Variants in KIF13A observed in about 807,000 individuals in gnomAD.
KIF13A encodes kinesin-like protein KIF13A.
Under a neutral mutation model 212.2 loss-of-function variants are expected in KIF13A, and 79 were observed. The observed-to-expected ratio is 0.37, with a 90% CI of 0.31 to 0.45. The LOEUF (loss-of-function observed/expected upper bound fraction) is 0.45. KIF13A is among the 20% of genes least tolerant of loss of function. The probability of loss-of-function intolerance (pLI) is 1.00; values close to 1 mark genes in which losing one functional copy is unlikely to be tolerated. For missense variants in KIF13A, 1,901 were observed against 2,209.0 expected, an observed-to-expected ratio of 0.86 and a Z score of 2.79; for synonymous variants, 789 against 808.6, an observed-to-expected ratio of 0.98 and a Z score of 0.41.
In KIF13A at chr6:17,934,903, T is replaced by A. The variant is rs1776326466; in HGVS notation, c.147-36723A>T. On this transcript the variant is annotated intron_variant, in intron 2 of 38. Transcript: ENST00000259711. This position sits in a 1 kb window ranked among gnomAD's most constrained non-coding sequence, Gnocchi z 5.4. ...CACTAGTAATAACCAAACATATCAG[T>A]TTCACAAGGGTCCCTTTACCTTGCA... Among the ~76,000 whole-genome samples the A allele has an allele frequency of 6.6e-6, 1 of 152,146 alleles. No individual in the cohort carries two copies. Among genetic ancestry groups the A allele is most frequent in the Admixed American group, 6.5e-5 (1 of 15,276 alleles).
chr6:17,830,198 A>T (rs1213504489), intron 13 of KIF13A, among the ~76,000 whole-genome samples: 2 of 152,202 alleles, frequency 1.3e-5, no homozygotes, highest in Non-Finnish European at 2.9e-5. Flanking sequence ...GGTCTCTGAG[A>T]ACCTTTCAGG....
At chr6:17,889,137 T>A (rs903916065) in intron 3 of KIF13A, among the ~76,000 whole-genome samples, 50 of 152,326 alleles carry the variant, frequency 3.3e-4, no homozygotes, top group African/African-American at 1.2e-3. Flanking sequence ...CTAGACTAAA[T>A]AAAGTTGCAT....
Position 17,898,894 on chromosome 6 carries a change from G to A in KIF13A, c.147-714C>T, listed in dbSNP as rs62398171. On this transcript the variant is annotated intron_variant, in intron 2 of 38. Transcript: ENST00000259711. The surrounding 1 kb of genome is among the most constrained non-coding windows in gnomAD (Gnocchi z 5.2). ...TTGGTTGTTCAGGATGGAGTGCAGT[G>A]ATGTGATCATGGCTCAGTGCAACCT... Among the ~76,000 whole-genome samples, 4,244 of 152,274 alleles carry A rather than the reference G, an allele frequency of 0.028. 82 individuals carry two copies. Among genetic ancestry groups the A allele is most frequent in the Non-Finnish European group, 0.039 (2,633 of 67,998 alleles).
intron 3 of KIF13A, among the ~76,000 whole-genome samples, chr6:17,881,103 C>T (rs1175556817): frequency 6.6e-6 from 1 of 152,198 alleles, no homozygotes; most frequent in African/African-American, 2.4e-5. Flanking sequence ...ATTGCCTTCA[C>T]TGTTTTCAAC....
At position 17,783,242 on chromosome 6, in the gene KIF13A, T is replaced by C. The variant is rs796448392; in HGVS notation, c.3544+404A>G. Among the ~76,000 whole-genome samples, 35 of 152,314 alleles carry C rather than the reference T, an allele frequency of 2.3e-4. 1 individual carries two copies. The highest frequency in any genetic ancestry group is 8.4e-4 in the African/African-American group (35 of 41,570). ...GCCCAGGTTCCATCTAATTGCAATATGAAGGACAACCCCTAAGGCAGGGTT... is the reference window on the plus strand; with the variant it reads ...GCCCAGGTTCCATCTAATTGCAATACGAAGGACAACCCCTAAGGCAGGGTT... On this transcript the variant is annotated intron_variant, in intron 29 of 38. Coordinates refer to ENST00000259711, the MANE Select transcript of KIF13A (RefSeq NM_022113.6). This position sits in a 1 kb window ranked among gnomAD's most constrained non-coding sequence, Gnocchi z 4.3.
chr6:17,913,839 C>G (rs1481566143), intron 2 of KIF13A, among the ~76,000 whole-genome samples: 1 of 152,166 alleles, frequency 6.6e-6, no homozygotes, highest in Non-Finnish European at 1.5e-5. Flanking sequence ...AGGAAACCAA[C>G]TTTCAGGGAA....
chr6:17,803,819 T>C (rs1762687719), intron 20 of KIF13A, among the ~76,000 whole-genome samples: 1 of 152,112 alleles, frequency 6.6e-6, no homozygotes, highest in Non-Finnish European at 1.5e-5. Flanking sequence ...AAGAAAAAAC[T>C]TGTGACCTCC....
intron 4 of KIF13A, among the ~76,000 whole-genome samples, chr6:17,863,824 C>A (rs1309399545): frequency 6.6e-6 from 1 of 151,714 alleles, no homozygotes; most frequent in Non-Finnish European, 1.5e-5. Context: ...TTGCTTTGTT[C>A]ACTTCTATTT....
intron 16 of KIF13A, among the ~76,000 whole-genome samples, chr6:17,818,896 G>C (rs1562013510): frequency 6.6e-6 from 1 of 151,784 alleles, no homozygotes; most frequent in Non-Finnish European, 1.5e-5. Flanking sequence ...TTTTGAAAAA[G>C]ATACTGTTTT....
Position 17,963,647 on chromosome 6 carries a change from C to G in KIF13A, c.146+23407G>C, listed in dbSNP as rs894344766. Among the ~76,000 whole-genome samples, 1 of 152,210 alleles carries G rather than the reference C, an allele frequency of 6.6e-6. No individual in the cohort carries two copies. The highest frequency in any genetic ancestry group is 1.5e-5 in the Non-Finnish European group (1 of 68,042). On this transcript the variant is annotated intron_variant, in intron 2 of 38. Transcript: ENST00000259711. This position sits in a 1 kb window ranked among gnomAD's most constrained non-coding sequence, Gnocchi z 4.1. ...TCGCAGCTTACTGCAACCTCCGCCTCCTGGGTTCCAACGATTCCCCTGCCT... is the reference window on the plus strand; with the variant it reads ...TCGCAGCTTACTGCAACCTCCGCCTGCTGGGTTCCAACGATTCCCCTGCCT...
intron 2 of KIF13A, among the ~76,000 whole-genome samples, chr6:17,980,658 A>G (rs568875179): frequency 1.3e-5 from 2 of 152,356 alleles, no homozygotes; most frequent in East Asian, 3.9e-4. Flanking sequence ...CACAGAAAAA[A>G]AAGCAAAATA....
intron 2 of KIF13A, among the ~76,000 whole-genome samples, chr6:17,970,072 G>A (rs1175347235): frequency 6.6e-6 from 1 of 151,822 alleles, no homozygotes; most frequent in Non-Finnish European, 1.5e-5. Flanking sequence ...ACAGGCGCCC[G>A]CCACCACGCC....
In KIF13A at chr6:17,791,947, T is replaced by TA. The variant is rs542881601; in HGVS notation, c.3223-2038dup. ...TACTGAGCGCAGTGGCTCACGCCTGTAATCCCAGCACTTTGGGAGGTCGAG... is the reference window on the plus strand; with the variant it reads ...TACTGAGCGCAGTGGCTCACGCCTGTAAATCCCAGCACTTTGGGAGGTCGAG... On this transcript the variant is annotated intron_variant, in intron 25 of 38. Coordinates refer to ENST00000259711, the MANE Select transcript of KIF13A (RefSeq NM_022113.6). Among the ~76,000 whole-genome samples, 458 of 147,814 alleles carry TA rather than the reference T, an allele frequency of 3.1e-3. 3 individuals are homozygous for TA. The highest frequency in any genetic ancestry group is 0.011 in the African/African-American group (426 of 39,908).
Position 17,784,757 on chromosome 6 carries a change from C to T in KIF13A, c.3488+758G>A, listed in dbSNP as rs1035722015. Reference sequence around the variant, plus strand: ...TGTAAGAAGTGGCTGGCAGAATTACCGCAAGAGACCTACAGGATTCCAGCA... The same window carrying T: ...TGTAAGAAGTGGCTGGCAGAATTACTGCAAGAGACCTACAGGATTCCAGCA... On this transcript the variant is annotated intron_variant, in intron 28 of 38. Coordinates refer to ENST00000259711, the MANE Select transcript of KIF13A (RefSeq NM_022113.6). Among the ~76,000 whole-genome samples, 7 of 152,126 alleles carry T rather than the reference C, an allele frequency of 4.6e-5. No homozygotes were observed. In the South Asian group the frequency reaches 6.2e-4, roughly 13 times the overall value.
intron 34 of KIF13A, among the ~76,000 whole-genome samples, chr6:17,775,926 G>A (rs1759928803): frequency 6.6e-6 from 1 of 151,984 alleles, no homozygotes; most frequent in South Asian, 2.1e-4. Flanking sequence ...TTGTTGCCCA[G>A]GCTGGAGTGC....
At chr6:17,906,940 G>A (rs1773554844) in intron 2 of KIF13A, among the ~76,000 whole-genome samples, 1 of 152,164 alleles carries the variant, frequency 6.6e-6, no homozygotes, top group African/African-American at 2.4e-5. Context: ...AGATGCAGAG[G>A]TGCTGGGTGA....
chr6:17,878,069 T>C (rs1318434476), intron 3 of KIF13A, among the ~76,000 whole-genome samples: 1 of 152,238 alleles, frequency 6.6e-6, no homozygotes, highest in African/African-American at 2.4e-5. Context: ...GTAATACTTA[T>C]ATTATTCATG....
intron 25 of KIF13A, among the ~76,000 whole-genome samples, chr6:17,791,834 A>G (rs1761585039): frequency 1.3e-5 from 2 of 150,938 alleles, no homozygotes; most frequent in South Asian, 4.2e-4. Flanking sequence ...AGGGAGATGG[A>G]AGATGCAGTG....
Position 17,825,658 on chromosome 6 carries a change from G to T in KIF13A, c.1786+110C>A. The T allele has an allele frequency of 4.0e-6, 4 of 994,956 alleles. No homozygotes were observed. Among genetic ancestry groups the T allele is most frequent in the Non-Finnish European group, 4.5e-6 (3 of 666,736 alleles). 61.6% of individuals were successfully genotyped at this position (994,956 alleles called of 1,614,324 possible). On this transcript the variant is annotated intron_variant, in intron 16 of 38. Transcript: ENST00000259711. This position sits in a 1 kb window ranked among gnomAD's most constrained non-coding sequence, Gnocchi z 4.5. ...CTTTTAAAGAAATGAGCAGTTTTAT[G>T]TGTTTAAAATGTGGAATGCGGAATG... is the stretch of plus-strand genomic sequence containing the variant.
Sources: gnomAD v4.1 joint callset for allele counts (sites outside exome capture counted in the v4.1 genomes callset) on GRCh38, gnomAD v4.1.1 for gene constraint, Gnocchi (gnomAD v3.1) non-coding constraint, MANE v1.5 for transcripts, NCBI Gene and HGNC (gene_info 2026-07-23, HGNC 2026-07-21) for gene names.